Variants in KCNQ1OT1 observed in about 807,000 individuals in gnomAD.
KCNQ1OT1 encodes KCNQ1 antisense RNA 2 (non-protein coding).
At chr11:2,622,289 C>T (rs1849187011) in exon 1 of KCNQ1OT1, 1 of 398,186 alleles carries the variant, frequency 2.5e-6, no homozygotes, top group South Asian at 1.3e-4. Context: ...TCCATTTTCT[C>T]AGTATGTAAT....
exon 1 of KCNQ1OT1, chr11:2,634,364 T>G: frequency 1.3e-5 from 3 of 228,216 alleles, no homozygotes; most frequent in South Asian, 2.3e-4. Context: ...GTGGGTGATG[T>G]TCCCCTTCCT....
In KCNQ1OT1 at chr11:2,682,257, A is replaced by G. The variant is rs1430080850; in HGVS notation, n.17738T>C. On this transcript the variant is annotated non_coding_transcript_exon_variant, in exon 1 of 1. Coordinates refer to ENST00000597346, the Ensembl canonical transcript of KCNQ1OT1. The surrounding 1 kb of genome is among the most constrained non-coding windows in gnomAD (Gnocchi z 5.8). ...AAATGTCCCTTCCTCAGAGGAGCCA[A>G]TTTCTAAAGCTTAAGACTGGGCTGT... 1 of 398,282 alleles carries G rather than the reference A, an allele frequency of 2.5e-6. No homozygotes were observed. Among genetic ancestry groups the G allele is most frequent in the Admixed American group, 4.4e-5 (1 of 22,712 alleles). The allele number at this position is 398,282 out of a possible 1,614,324, so 24.7% of individuals were successfully genotyped here.
exon 1 of KCNQ1OT1, chr11:2,622,826 C>G (rs1442580996): frequency 5.0e-6 from 2 of 398,500 alleles, no homozygotes. Flanking sequence ...TTCCCATTAC[C>G]AACTCTCCCA....
At chr11:2,636,113 A>C (rs1477490361) in exon 1 of KCNQ1OT1, 1 of 152,180 alleles carries the variant, frequency 6.6e-6, no homozygotes, top group African/African-American at 2.4e-5. Flanking sequence ...CTAAATATAC[A>C]ATCATGTCAT....
exon 1 of KCNQ1OT1, chr11:2,625,956 A>G (rs1229155082): frequency 2.5e-6 from 1 of 398,436 alleles, no homozygotes; most frequent in Non-Finnish European, 4.4e-6. Context: ...CTTATCAGGT[A>G]TGTGATTTGC....
exon 1 of KCNQ1OT1, chr11:2,694,642 CTG>C (rs1850643869): frequency 1.0e-5 from 4 of 398,638 alleles, no homozygotes; most frequent in African/African-American, 2.1e-5. Context: ...CAACAGAAAT[CTG>C]TGACACACCC....
At position 2,678,887 on chromosome 11, in the gene KCNQ1OT1, C is replaced by T; in HGVS notation, n.21108G>A. On this transcript the variant is annotated non_coding_transcript_exon_variant, in exon 1 of 1. Coordinates refer to ENST00000597346, the Ensembl canonical transcript of KCNQ1OT1. This position sits in a 1 kb window ranked among gnomAD's most constrained non-coding sequence, Gnocchi z 4.9. ...GGAGTTGCCAGCTGGACCCAAGGAC[C>T]ATTTCGTATACATGTATGATCATAC... 2.5e-6 allele frequency: 1 copy of T among 398,564 alleles called. No individual in the cohort carries two copies. Among genetic ancestry groups the T allele is most frequent in the South Asian group, 1.3e-4 (1 of 7,856 alleles). 24.7% of individuals were successfully genotyped at this position (398,564 alleles called of 1,614,324 possible). A position where few individuals can be genotyped will look rare whatever the true frequency, so the allele number is the denominator to read the frequency against.
In KCNQ1OT1 at chr11:2,678,154, G is replaced by A. The variant is rs1029301756; in HGVS notation, n.21841C>T. ...ATCCTCATTTTCCTTAGGTGTTTTG[G>A]CTTTTTCTATAATATTTTTCTGGTG... On this transcript the variant is annotated non_coding_transcript_exon_variant, in exon 1 of 1. Transcript: ENST00000597346. The surrounding 1 kb of genome is among the most constrained non-coding windows in gnomAD (Gnocchi z 4.9). The A allele has an allele frequency of 8.0e-5, 32 of 397,912 alleles. No individual in the cohort carries two copies. Among genetic ancestry groups the A allele is most frequent in the Middle Eastern group, 1.2e-3 (2 of 1,606 alleles). The allele number at this position is 397,912 out of a possible 1,614,324, so 24.6% of individuals were successfully genotyped here.
rs971030385 is a variant in KCNQ1OT1, at chr11:2,651,906, G to A, written n.48089C>T. ...GGGGGTCATAGCCGAGGGTCCCTCT[G>A]GGGCCGCTTGCTCTCCTCCTACTCA... On this transcript the variant is annotated non_coding_transcript_exon_variant, in exon 1 of 1. Transcript: ENST00000597346. This position sits in a 1 kb window ranked among gnomAD's most constrained non-coding sequence, Gnocchi z 6.1. 2.5e-6 allele frequency: 1 copy of A among 398,782 alleles called. No homozygotes were observed. Among genetic ancestry groups the A allele is most frequent in the East Asian group, 3.6e-5 (1 of 28,070 alleles). The allele number at this position is 398,782 out of a possible 1,614,324, so 24.7% of individuals were successfully genotyped here. A position where few individuals can be genotyped will look rare whatever the true frequency, so the allele number is the denominator to read the frequency against.
At position 2,684,100 on chromosome 11, in the gene KCNQ1OT1, C is replaced by T. The variant is rs1234662343; in HGVS notation, n.15895G>A. ...ATTAACTGGTACAGCAATTTCAGAA[C>T]CCTTTCACATAGATTCTTAAGGGGA... is the stretch of plus-strand genomic sequence containing the variant. On this transcript the variant is annotated non_coding_transcript_exon_variant, in exon 1 of 1. Coordinates refer to ENST00000597346, the Ensembl canonical transcript of KCNQ1OT1. The T allele has an allele frequency of 7.0e-5, 28 of 398,454 alleles. No individual in the cohort carries two copies. In the Admixed American group the frequency reaches 1.2e-3, roughly 18 times the overall value. The allele number at this position is 398,454 out of a possible 1,614,324, so 24.7% of individuals were successfully genotyped here.
At position 2,695,763 on chromosome 11, in the gene KCNQ1OT1, G is replaced by A. The variant is rs1364065156; in HGVS notation, n.4232C>T. The A allele has an allele frequency of 2.5e-6, 1 of 398,592 alleles. No homozygotes were observed. The highest frequency in any genetic ancestry group is 2.1e-5 in the African/African-American group (1 of 48,724). The allele number at this position is 398,592 out of a possible 1,614,324, so 24.7% of individuals were successfully genotyped here. The stretch of plus-strand genomic sequence containing the variant: ...TGTTCCTTGCCTTCTGCCAACACTT[G>A]GCCTTATCCTACTTTCTAATGCTTC... On this transcript the variant is annotated non_coding_transcript_exon_variant, in exon 1 of 1. Coordinates refer to ENST00000597346, the Ensembl canonical transcript of KCNQ1OT1. The surrounding 1 kb of genome is among the most constrained non-coding windows in gnomAD (Gnocchi z 5.2).
exon 1 of KCNQ1OT1, chr11:2,644,622 T>C (rs1392202305): frequency 2.5e-6 from 1 of 398,504 alleles, no homozygotes; most frequent in East Asian, 3.6e-5. Context: ...TGCCTTTTCA[T>C]GTTTCTTGTG....
At chr11:2,644,345 G>T in exon 1 of KCNQ1OT1, 1 of 398,026 alleles carries the variant, frequency 2.5e-6, no homozygotes, top group Non-Finnish European at 4.4e-6. Context: ...TCTTTCTTCT[G>T]CTTGTTGTGG....
chr11:2,682,252 A>G lies in KCNQ1OT1; in HGVS notation n.17743T>C. 1 of 398,510 alleles carries G rather than the reference A, an allele frequency of 2.5e-6. No individual in the cohort carries two copies. Among genetic ancestry groups the G allele is most frequent in the Non-Finnish European group, 4.4e-6 (1 of 226,062 alleles). 24.7% of individuals were successfully genotyped at this position (398,510 alleles called of 1,614,324 possible). A position where few individuals can be genotyped will look rare whatever the true frequency, so the allele number is the denominator to read the frequency against. On this transcript the variant is annotated non_coding_transcript_exon_variant, in exon 1 of 1. Transcript: ENST00000597346. This position sits in a 1 kb window ranked among gnomAD's most constrained non-coding sequence, Gnocchi z 5.8. ...AGCTGAAATGTCCCTTCCTCAGAGG[A>G]GCCAATTTCTAAAGCTTAAGACTGG...
exon 1 of KCNQ1OT1, chr11:2,640,680 A>G (rs981535281): frequency 4.5e-5 from 18 of 398,058 alleles, no homozygotes; most frequent in Admixed American, 1.8e-4. Flanking sequence ...TATCATCTCT[A>G]TAGTTAGGAA....
At chr11:2,688,072 CTAGGG>C (rs1174561894) in exon 1 of KCNQ1OT1, 1 of 398,824 alleles carries the variant, frequency 2.5e-6, no homozygotes, top group East Asian at 3.6e-5. Flanking sequence ...GTTGGTGCTT[CTAGGG>C]CCTGGGTATG....
chr11:2,611,913 GC>G lies in KCNQ1OT1; in HGVS notation n.88081del, dbSNP rs1394419533. ...CTGGAGGTTACAATAAGCAGCTTAA[GC>G]AAAAACAATCTGCTTCAGGTTAATA... On this transcript the variant is annotated non_coding_transcript_exon_variant, in exon 1 of 1. Coordinates refer to ENST00000597346, the Ensembl canonical transcript of KCNQ1OT1. The surrounding 1 kb of genome is among the most constrained non-coding windows in gnomAD (Gnocchi z 5.3). 22 of 398,324 alleles carry G rather than the reference GC, an allele frequency of 5.5e-5. No individual in the cohort carries two copies. In the Middle Eastern group the frequency reaches 2.5e-3, roughly 45 times the overall value. The allele number at this position is 398,324 out of a possible 1,614,324, so 24.7% of individuals were successfully genotyped here. A position where few individuals can be genotyped will look rare whatever the true frequency, so the allele number is the denominator to read the frequency against.
chr11:2,660,709 T>C (rs1849937326), exon 1 of KCNQ1OT1: 4 of 398,524 alleles, frequency 1.0e-5, no homozygotes, highest in African/African-American at 6.2e-5. Context: ...ACAACCTTCA[T>C]TCGGGCTTCA....
rs190348189 is a variant in KCNQ1OT1 at position 2,689,064 on chromosome 11, C to T, written n.10931G>A. 9.6e-4 allele frequency: 381 copies of T among 398,896 alleles called. 1 individual carries two copies. The highest frequency in any genetic ancestry group is 2.0e-3 in the South Asian group (16 of 7,858). The allele number at this position is 398,896 out of a possible 1,614,324, so 24.7% of individuals were successfully genotyped here. On this transcript the variant is annotated non_coding_transcript_exon_variant, in exon 1 of 1. Coordinates refer to ENST00000597346, the Ensembl canonical transcript of KCNQ1OT1. ...TTTTGAGGGGCAGTTACCTCCTCCT[C>T]CCCGGTGGCACATCCGGCCTGGAAG...
Sources: allele counts gnomAD v4.1 joint callset, GRCh38; gene constraint gnomAD v4.1.1; non-coding constraint Gnocchi (gnomAD v3.1); transcripts MANE v1.5; gene names NCBI Gene and HGNC (gene_info 2026-07-23, HGNC 2026-07-21).